Variants in ANKRD26 observed in about 807,000 individuals in gnomAD.
The protein encoded by ANKRD26 is ankyrin repeat domain 26, also known as ankyrin repeat domain-containing protein 26.
A neutral mutation model predicts 208.7 loss-of-function variants in ANKRD26; 141 were observed. That is an observed-to-expected ratio of 0.68 (90% CI 0.59 to 0.78). The LOEUF (loss-of-function observed/expected upper bound fraction) is 0.78, where lower values mean the gene tolerates loss of function less well. Among genes scored for constraint, ANKRD26 ranks in the 30% least tolerant of loss-of-function variants. The pLI is 0.00. For synonymous variants in ANKRD26, 636 were observed against 660.4 expected, an observed-to-expected ratio of 0.96 and a Z score of 0.57; for missense variants, 1,889 against 1,938.7, an observed-to-expected ratio of 0.97 and a Z score of 0.48.
At chr10:26,991,567 C>T (rs181666164), downstream of ANKRD26, among the ~76,000 whole-genome samples, 7 of 152,170 alleles carry the variant, frequency 4.6e-5, no homozygotes, top group Admixed American at 1.3e-4. Flanking sequence ...CTTAGCCTCC[C>T]GAGTAGCTGA....
chr10:27,041,572 G>A (rs1327201606), intron 20 of ANKRD26, among the ~76,000 whole-genome samples: 3 of 152,148 alleles, frequency 2.0e-5, no homozygotes. Flanking sequence ...TAAAGCTCAA[G>A]AAGATAAGTG....
At chr10:26,951,185 A>C in the ANKRD26 span, among the ~76,000 whole-genome samples, 1 of 151,784 alleles carries the variant, frequency 6.6e-6, no homozygotes, top group Non-Finnish European at 1.5e-5. Context: ...AGTGATTGAC[A>C]ACCTCATACT....
chr10:27,076,199 G>C (rs1043242097), intron 9 of ANKRD26, among the ~76,000 whole-genome samples: 1 of 150,424 alleles, frequency 6.6e-6, no homozygotes, highest in Non-Finnish European at 1.5e-5. Context: ...AGAGCTAAAT[G>C]TATTTATAAC....
chr10:27,012,765 T>C lies in ANKRD26; in HGVS notation c.4953+117A>G, dbSNP rs533931215. 24 of 961,754 alleles carry C rather than the reference T, an allele frequency of 2.5e-5. No homozygotes were observed. In the South Asian group the frequency reaches 2.7e-4, roughly 11 times the overall value. The allele number at this position is 961,754 out of a possible 1,614,324, so 59.6% of individuals were successfully genotyped here. ...ACATAGAGGTTGCAGTGAGCCAAGA[T>C]GGCACCACTGCACTCCAGCCTGGAC... On this transcript the variant is annotated intron_variant, in intron 32 of 33. Coordinates refer to ENST00000376087, the MANE Select transcript of ANKRD26 (RefSeq NM_014915.3).
chr10:27,013,157 A>C (rs988316043), intron 31 of ANKRD26, 47 bp from the exon 32 acceptor site: 8 of 1,533,686 alleles, frequency 5.2e-6, no homozygotes, highest in African/African-American at 4.1e-5. Flanking sequence ...ACTTTTCCCT[A>C]AATGATTCCT....
intron 32 of ANKRD26, among the ~76,000 whole-genome samples, chr10:27,012,363 G>T (rs1038207810): frequency 6.6e-6 from 1 of 151,014 alleles, no homozygotes; most frequent in Non-Finnish European, 1.5e-5. Flanking sequence ...GTTAACAAAT[G>T]GTACCTCTTG....
At chr10:27,090,157 G>A (rs983365379) in intron 4 of ANKRD26, among the ~76,000 whole-genome samples, 5 of 152,106 alleles carry the variant, frequency 3.3e-5, no homozygotes, top group African/African-American at 1.2e-4. Context: ...TAAAATAAGA[G>A]AGATATGGCC....
intron 32 of ANKRD26, among the ~76,000 whole-genome samples, chr10:27,010,804 G>A (rs112472050): frequency 3.3e-5 from 5 of 152,088 alleles, no homozygotes; most frequent in East Asian, 1.9e-4. Flanking sequence ...CATTGCACCC[G>A]GCCTACACAA....
At chr10:27,062,327 G>T (rs944018104) in intron 12 of ANKRD26, 1 of 601,726 alleles carries the variant, frequency 1.7e-6, no homozygotes, top group Non-Finnish European at 2.1e-6. Flanking sequence ...GTTATGCCTT[G>T]AATTATTGTC....
At chr10:27,097,640 TTTTTGTTTTG>T (rs145431675) in intron 1 of ANKRD26, among the ~76,000 whole-genome samples, 2 of 151,696 alleles carry the variant, frequency 1.3e-5, no homozygotes, top group African/African-American at 4.8e-5. Context: ...ATTTATCTTT[TTTTTGTTTTG>T]TTTTGTTTTG....
intron 9 of ANKRD26, among the ~76,000 whole-genome samples, chr10:27,068,498 AG>A (rs773706465): frequency 3.3e-5 from 5 of 152,358 alleles, no homozygotes; most frequent in Non-Finnish European, 5.9e-5. Flanking sequence ...GTTTCTAGAC[AG>A]GGCACCATAA....
At chr10:27,079,761 G>C (rs535972155) in intron 6 of ANKRD26, among the ~76,000 whole-genome samples, 134 of 152,314 alleles carry the variant, frequency 8.8e-4, no homozygotes, top group Non-Finnish European at 1.3e-3. Context: ...GCTGGGGCAA[G>C]AGAATTGCTT....
chr10:27,024,396 A>G, intron 28 of ANKRD26, 51 bp downstream of exon 28: 1 of 992,814 alleles, frequency 1.0e-6, no homozygotes, highest in Non-Finnish European at 1.5e-6. Context: ...GTAAAATTAT[A>G]TTAAATCAAT....
In ANKRD26 at chr10:27,030,585, C is replaced by T. The variant is rs773314030; in HGVS notation, c.3808-1229G>A. Reference sequence around the variant, plus strand: ...TGGGTGGGAAAGCGGTATGAATCTACGGATCCCAGCTCTGGCTACGTAATA... The same window carrying T: ...TGGGTGGGAAAGCGGTATGAATCTATGGATCCCAGCTCTGGCTACGTAATA... On this transcript the variant is annotated intron_variant, in intron 25 of 33. Coordinates refer to ENST00000376087, the MANE Select transcript of ANKRD26 (RefSeq NM_014915.3). 1.0e-5 allele frequency: 10 copies of T among 985,196 alleles called. No homozygotes were observed. In the South Asian group the frequency reaches 2.3e-4, roughly 23 times the overall value. 61.0% of individuals were successfully genotyped at this position (985,196 alleles called of 1,614,324 possible). A position where few individuals can be genotyped will look rare whatever the true frequency, so the allele number is the denominator to read the frequency against.
At chr10:27,082,495 A>T (rs1030064650) in intron 6 of ANKRD26, among the ~76,000 whole-genome samples, 9 of 152,250 alleles carry the variant, frequency 5.9e-5, no homozygotes, top group African/African-American at 2.2e-4. Flanking sequence ...TTGGACCTGT[A>T]CCTTGATCCA....
chr10:27,001,154 C>T (rs2052715372), downstream of ANKRD26, among the ~76,000 whole-genome samples: 1 of 152,080 alleles, frequency 6.6e-6, no homozygotes, highest in African/African-American at 2.4e-5. Context: ...TATATGGAGT[C>T]CTATTCTCCT....
the ANKRD26 span, among the ~76,000 whole-genome samples, chr10:26,965,079 C>T: frequency 3.3e-5 from 5 of 152,154 alleles, no homozygotes; most frequent in Non-Finnish European, 7.3e-5. Flanking sequence ...AGATTCAATG[C>T]CATCCCCATC....
At chr10:27,079,727 C>T (rs1208646347) in intron 6 of ANKRD26, among the ~76,000 whole-genome samples, 1 of 152,086 alleles carries the variant, frequency 6.6e-6, no homozygotes, top group Admixed American at 6.6e-5. Context: ...GTGGCATGTG[C>T]CTGTAATCCC....
intron 20 of ANKRD26, among the ~76,000 whole-genome samples, chr10:27,041,834 T>C (rs2054251665): frequency 6.6e-6 from 1 of 152,088 alleles, no homozygotes; most frequent in African/African-American, 2.4e-5. Flanking sequence ...CTAAACTTAA[T>C]AAAAACTATA....
Sources: allele counts gnomAD v4.1 joint callset (sites outside exome capture counted in the v4.1 genomes callset), GRCh38; gene constraint gnomAD v4.1.1; transcripts MANE v1.5; gene names NCBI Gene and HGNC (gene_info 2026-07-23, HGNC 2026-07-21).